HIBCH: variants seen among roughly 807,000 people sequenced by gnomAD.
HIBCH encodes 3-hydroxyisobutyryl-CoA hydrolase.
A neutral mutation model predicts 58.2 loss-of-function variants in HIBCH; 50 were observed. That is an observed-to-expected ratio of 0.86 (90% CI 0.68 to 1.09). HIBCH has a LOEUF of 1.09. Ranked by LOEUF, HIBCH falls within the 50% of genes least tolerant of loss-of-function variation. The probability of loss-of-function intolerance (pLI) is 0.00; values close to 1 mark genes in which losing one functional copy is unlikely to be tolerated. For missense variants in HIBCH, 450 were observed against 449.7 expected, an observed-to-expected ratio of 1.00 and a Z score of -0.01; for synonymous variants, 151 against 146.9, an observed-to-expected ratio of 1.03 and a Z score of -0.20.
chr2:190,304,722 A>AGG lies in HIBCH; in HGVS notation c.78+6031_78+6032insCC, dbSNP rs1688359656. Among the ~76,000 whole-genome samples, 1 of 152,020 alleles carries AGG rather than the reference A, an allele frequency of 6.6e-6. No homozygotes were observed. The highest frequency in any genetic ancestry group is 2.1e-4 in the South Asian group (1 of 4,818). Reference sequence around the variant, plus strand: ...TAAATGGCTTAAACAACACAAACTTATTTTTTTTGTAAAACCAGCAGTTTT... The same window carrying AGG: ...TAAATGGCTTAAACAACACAAACTTAGGTTTTTTTTGTAAAACCAGCAGTTTT... On this transcript the variant is annotated intron_variant, in intron 2 of 13. Coordinates refer to ENST00000359678, the MANE Select transcript of HIBCH (RefSeq NM_014362.4). This position sits in a 1 kb window ranked among gnomAD's most constrained non-coding sequence, Gnocchi z 4.1.
chr2:190,292,484 G>GT (rs1337595348), intron 4 of HIBCH, among the ~76,000 whole-genome samples: 53 of 152,056 alleles, frequency 3.5e-4, no homozygotes, highest in Admixed American at 3.5e-3. Flanking sequence ...TTTCTTTTTT[G>GT]TATTTTAGTA....
In HIBCH at chr2:190,217,659, T is replaced by A. The variant is rs1685598121; in HGVS notation, c.892-4584A>T. ...AAAAACTTCTAACTCGAACCCTGCC[T>A]CTTGAGTTCACAGTTCACCACTTCC... On this transcript the variant is annotated intron_variant, in intron 11 of 13. Transcript: ENST00000359678. The surrounding 1 kb of genome is among the most constrained non-coding windows in gnomAD (Gnocchi z 4.6). Among the ~76,000 whole-genome samples, 1 of 152,166 alleles carries A rather than the reference T, an allele frequency of 6.6e-6. No homozygotes were observed. Among genetic ancestry groups the A allele is most frequent in the African/African-American group, 2.4e-5 (1 of 41,432 alleles).
intron 11 of HIBCH, among the ~76,000 whole-genome samples, chr2:190,237,660 C>T (rs926927501): frequency 1.2e-4 from 18 of 151,912 alleles, no homozygotes; most frequent in Admixed American, 1.0e-3. Flanking sequence ...GTTCTAGGTG[C>T]CCCACATTTA....
chr2:190,242,214 A>T (rs1686474269), intron 11 of HIBCH, among the ~76,000 whole-genome samples: 1 of 151,684 alleles, frequency 6.6e-6, no homozygotes, highest in Admixed American at 6.6e-5. Flanking sequence ...GTTGATCTTC[A>T]ATCTCTGATA....
intron 6 of HIBCH, among the ~76,000 whole-genome samples, chr2:190,273,785 AATCTTAATAAAATTATTTC>A (rs1687471146): frequency 6.6e-6 from 1 of 152,144 alleles, no homozygotes; most frequent in Non-Finnish European, 1.5e-5. Context: ...TTTCTCCAAA[AATCTTAATAAAATTATTTC>A]ATCTCTTCTT....
chr2:190,235,903 G>A (rs1686258840), intron 11 of HIBCH, among the ~76,000 whole-genome samples: 3 of 152,172 alleles, frequency 2.0e-5, no homozygotes. Context: ...CAAACTCCCT[G>A]AGAACAGATA....
intron 11 of HIBCH, among the ~76,000 whole-genome samples, chr2:190,226,598 A>AT: frequency 1.4e-5 from 1 of 71,404 alleles, no homozygotes; most frequent in Non-Finnish European, 2.7e-5. Context: ...TCCGTCTCAA[A>AT]AAAAAAAAAA....
At chr2:190,245,896 A>G (rs553746494) in intron 10 of HIBCH, among the ~76,000 whole-genome samples, 2 of 152,082 alleles carry the variant, frequency 1.3e-5, no homozygotes, top group South Asian at 4.2e-4. Context: ...AGGCTGAAGC[A>G]TAAGAATTGC....
chr2:190,309,098 C>A (rs1313004415), intron 2 of HIBCH, among the ~76,000 whole-genome samples: 2 of 152,078 alleles, frequency 1.3e-5, no homozygotes, highest in Non-Finnish European at 2.9e-5. Flanking sequence ...AAGTCTAGGT[C>A]CTTGTAATAC....
intron 5 of HIBCH, among the ~76,000 whole-genome samples, chr2:190,290,054 T>C (rs990231592): frequency 2.0e-5 from 3 of 152,154 alleles, no homozygotes; most frequent in Non-Finnish European, 4.4e-5. Flanking sequence ...GATTTTTGTA[T>C]TTTTAGTAGA....
At chr2:190,259,702 T>A (rs1231023997) in intron 7 of HIBCH, among the ~76,000 whole-genome samples, 2 of 152,242 alleles carry the variant, frequency 1.3e-5, no homozygotes, top group African/African-American at 4.8e-5. Flanking sequence ...TGATTTTATA[T>A]CCTACAGCTT....
intron 7 of HIBCH, among the ~76,000 whole-genome samples, chr2:190,256,097 T>C (rs931784898): frequency 3.9e-5 from 6 of 152,064 alleles, no homozygotes; most frequent in Admixed American, 6.6e-5. Flanking sequence ...AAGAACTCAC[T>C]ATCATGAGAA....
At position 190,210,448 on chromosome 2, in the gene HIBCH, T is replaced by C. The variant is rs1262679544; in HGVS notation, c.1012-1535A>G. On this transcript the variant is annotated intron_variant, in intron 12 of 13. Transcript: ENST00000359678. This position sits in a 1 kb window ranked among gnomAD's most constrained non-coding sequence, Gnocchi z 5.5. The stretch of plus-strand genomic sequence containing the variant: ...CTACCACACCTCAAAATGTTAGAGT[T>C]CCTTAGGGCTCAGGTCTGGACTCTC... 6.6e-6 allele frequency among the ~76,000 whole-genome samples: 1 copy of C among 152,152 alleles called. No homozygotes were observed. Among genetic ancestry groups the C allele is most frequent in the Non-Finnish European group, 1.5e-5 (1 of 68,030 alleles).
At chr2:190,213,556 C>G (rs1690563000) in intron 11 of HIBCH, 1 of 171,510 alleles carries the variant, frequency 5.8e-6, no homozygotes, top group East Asian at 1.7e-4. Context: ...CGCTTCGTCC[C>G]CTTTTCCCCC....
intron 11 of HIBCH, among the ~76,000 whole-genome samples, chr2:190,235,362 C>T (rs1304704520): frequency 6.6e-6 from 1 of 152,184 alleles, no homozygotes; most frequent in East Asian, 1.9e-4. Context: ...TGCCAACATT[C>T]TGCATTTATG....
rs1301145358 is a variant in HIBCH at position 190,208,746 on chromosome 2, G to T, written c.1045+134C>A. 4.1e-6 allele frequency: 3 copies of T among 730,134 alleles called. No individual in the cohort carries two copies. The East Asian group carries it at 8.4e-5, about 20-fold the overall frequency. 45.2% of individuals were successfully genotyped at this position (730,134 alleles called of 1,614,324 possible). On this transcript the variant is annotated intron_variant, in intron 13 of 13. Transcript: ENST00000359678. ...ATGAACATTTGAGTGTCATGTTGGT[G>T]CTCAAATAGTTTCAGATTTTGGTAC...
chr2:190,230,314 A>G (rs961978008), intron 11 of HIBCH, among the ~76,000 whole-genome samples: 4 of 152,238 alleles, frequency 2.6e-5, no homozygotes, highest in African/African-American at 4.8e-5. Flanking sequence ...GTAGTAGTAA[A>G]AAAGGAATCA....
At chr2:190,235,241 G>T (rs1277275936) in intron 11 of HIBCH, among the ~76,000 whole-genome samples, 1 of 152,100 alleles carries the variant, frequency 6.6e-6, no homozygotes, top group South Asian at 2.1e-4. Flanking sequence ...TTAATCACAG[G>T]TTCATATTAT....
At chr2:190,226,526 T>G (rs537072666) in intron 11 of HIBCH, among the ~76,000 whole-genome samples, 1 of 133,684 alleles carries the variant, frequency 7.5e-6, no homozygotes, top group Non-Finnish European at 1.5e-5. Context: ...ACCTGGGAGG[T>G]GGAGGTTGCA....
Sources: gnomAD v4.1 joint callset for allele counts (sites outside exome capture counted in the v4.1 genomes callset) on GRCh38, gnomAD v4.1.1 for gene constraint, Gnocchi (gnomAD v3.1) non-coding constraint, MANE v1.5 for transcripts, NCBI Gene and HGNC (gene_info 2026-07-23, HGNC 2026-07-21) for gene names.